Variants in PLCB4 observed in about 807,000 individuals in gnomAD.
The protein encoded by PLCB4 is 1-phosphatidylinositol 4,5-bisphosphate phosphodiesterase beta-4.
In PLCB4, 77 loss-of-function variants were observed where a neutral mutation model predicts 178.8. The observed-to-expected ratio is 0.43, with a 90% CI of 0.36 to 0.52. The LOEUF (loss-of-function observed/expected upper bound fraction) is 0.52, where lower values mean the gene tolerates loss of function less well. Ranked by LOEUF, PLCB4 falls within the 20% of genes least tolerant of loss-of-function variation. The pLI is 0.00. For missense variants in PLCB4, 1,024 were observed against 1,453.4 expected, an observed-to-expected ratio of 0.70 and a Z score of 4.80; for synonymous variants, 496 against 490.8, an observed-to-expected ratio of 1.01 and a Z score of -0.14.
intron 1 of PLCB4, among the ~76,000 whole-genome samples, chr20:9,078,875 A>C (rs2090008059): frequency 6.6e-6 from 1 of 152,214 alleles, no homozygotes; most frequent in Admixed American, 6.5e-5. Context: ...AAATGACAGC[A>C]AAGTGAAATA....
At chr20:9,383,252 G>T (rs910493969) in intron 13 of PLCB4, among the ~76,000 whole-genome samples, 1 of 151,960 alleles carries the variant, frequency 6.6e-6, no homozygotes, top group African/African-American at 2.4e-5. Context: ...ATTGAGGTGG[G>T]GTATACAGGA....
chr20:9,420,180 A>G (rs1339610759), intron 26 of PLCB4, among the ~76,000 whole-genome samples: 1 of 152,184 alleles, frequency 6.6e-6, no homozygotes, highest in Admixed American at 6.5e-5. Flanking sequence ...GACAGACAGT[A>G]AATCAGTGAT....
intron 31 of PLCB4, 44 bp from the exon 32 acceptor site, chr20:9,444,134 G>C (rs1053121110): frequency 6.6e-7 from 1 of 1,509,846 alleles, no homozygotes; most frequent in African/African-American, 1.4e-5. Context: ...ATTACAAAAA[G>C]AAAAAACAAA....
At chr20:9,137,607 A>G (rs2092408807) in intron 2 of PLCB4, among the ~76,000 whole-genome samples, 1 of 152,156 alleles carries the variant, frequency 6.6e-6, no homozygotes. Flanking sequence ...TCAAAGAAAT[A>G]GAAGGGTGAA....
intron 3 of PLCB4, among the ~76,000 whole-genome samples, chr20:9,261,583 T>G (rs1262856481): frequency 1.3e-5 from 2 of 152,046 alleles, no homozygotes; most frequent in African/African-American, 4.8e-5. Flanking sequence ...ATTCTAAGAG[T>G]TTAAATTGGG....
chr20:9,157,987 GCCCTTTA>G (rs1232408880), intron 2 of PLCB4, among the ~76,000 whole-genome samples: 1 of 152,084 alleles, frequency 6.6e-6, no homozygotes, highest in African/African-American at 2.4e-5. Context: ...TAGCCTTTCG[GCCCTTTA>G]CCTGTTCCAC....
chr20:9,418,910 T>C (rs1199047141), intron 25 of PLCB4, among the ~76,000 whole-genome samples: 1 of 152,164 alleles, frequency 6.6e-6, no homozygotes, highest in African/African-American at 2.4e-5. Context: ...TCCTAAGTGG[T>C]TTATATTTTG....
chr20:9,347,418 A>C (rs2148133431), intron 7 of PLCB4, among the ~76,000 whole-genome samples: 1 of 152,352 alleles, frequency 6.6e-6, no homozygotes, highest in South Asian at 2.1e-4. Context: ...CCATAGCTAT[A>C]GACATCAGGC....
At chr20:9,183,863 A>G (rs778300987) in intron 2 of PLCB4, among the ~76,000 whole-genome samples, 11 of 152,198 alleles carry the variant, frequency 7.2e-5, no homozygotes, top group Non-Finnish European at 1.6e-4. Context: ...GTTACTTCAT[A>G]TAGCTCATTG....
chr20:9,090,298 A>G (rs1169056103), intron 1 of PLCB4, among the ~76,000 whole-genome samples: 2 of 151,770 alleles, frequency 1.3e-5, no homozygotes, highest in Non-Finnish European at 2.9e-5. Context: ...TGAAGAAAAA[A>G]GGATTTGTTT....
intron 3 of PLCB4, among the ~76,000 whole-genome samples, chr20:9,299,477 G>A (rs1346008158): frequency 6.6e-6 from 1 of 151,946 alleles, no homozygotes; most frequent in Non-Finnish European, 1.5e-5. Flanking sequence ...AGCAATATGT[G>A]TATAATATAT....
intron 3 of PLCB4, among the ~76,000 whole-genome samples, chr20:9,301,091 TCTG>T (rs1468519900): frequency 6.6e-6 from 1 of 151,250 alleles, no homozygotes. Flanking sequence ...CTCCTCCTCT[TCTG>T]CTTGTGTCAA....
intron 1 of PLCB4, among the ~76,000 whole-genome samples, chr20:9,085,418 G>C (rs1199021046): frequency 6.6e-6 from 1 of 152,134 alleles, no homozygotes. Flanking sequence ...GCACGTAGTA[G>C]GCTTTTAAAT....
chr20:9,215,065 T>C (rs2093714697), intron 2 of PLCB4, among the ~76,000 whole-genome samples: 1 of 152,146 alleles, frequency 6.6e-6, no homozygotes, highest in Admixed American at 6.5e-5. Context: ...TTTTGGGAAC[T>C]CGGCCTGTTT....
chr20:9,251,306 A>C (rs2094177883), intron 3 of PLCB4, among the ~76,000 whole-genome samples: 1 of 152,218 alleles, frequency 6.6e-6, no homozygotes. Flanking sequence ...CTGGGAGCTT[A>C]TTAGAAATTT....
chr20:9,313,819 C>G (rs1352679368), intron 4 of PLCB4, among the ~76,000 whole-genome samples: 2 of 152,334 alleles, frequency 1.3e-5, no homozygotes, highest in East Asian at 3.9e-4. Context: ...AAACTCTAGG[C>G]TTTCAGCATG....
intron 2 of PLCB4, among the ~76,000 whole-genome samples, chr20:9,136,818 G>T (rs544776542): frequency 6.6e-6 from 1 of 152,232 alleles, no homozygotes; most frequent in East Asian, 1.9e-4. Flanking sequence ...TACCATCAGT[G>T]TTGGATATTC....
intron 14 of PLCB4, 83 bp from the exon 15 acceptor site, chr20:9,387,380 C>CCTGA: frequency 1.4e-6 from 1 of 692,486 alleles, no homozygotes. Flanking sequence ...AAGAAAACAA[C>CCTGA]TTATTTTGAT....
chr20:9,419,829 A>G lies in PLCB4; in HGVS notation c.2074A>G (p.Met692Val). ...CAGGTACCTTCTCAAACCAGATTTC[A>G]TGAGGCGGCCTGATCGAACATTTGA... ...SCGYLLKPDF[M>V]RRPDRTFDPF... The change falls in exon 26 of 40, where the codon ATG becomes GTG. Residue 692 changes from methionine (M) to valine (V), a missense_variant. Physicochemically the swap from Met to Val is conservative, Grantham distance 21. Around this residue, in one of 7 missense-constraint regions of PLCB4, gnomAD observed 227 missense variants for 374.3 expected, o/e 0.61. Coordinates refer to ENST00000378473, the MANE Select transcript of PLCB4 (RefSeq NM_001377142.1). The G allele has an allele frequency of 6.2e-7, 1 of 1,613,412 alleles. No individual in the cohort carries two copies. The highest frequency in any genetic ancestry group is 8.5e-7 in the Non-Finnish European group (1 of 1,179,322).
Sources: gnomAD v4.1 joint callset for allele counts (sites outside exome capture counted in the v4.1 genomes callset) on GRCh38, gnomAD v4.1.1 for gene constraint, gnomAD v4.1.1 regional missense constraint, MANE v1.5 for transcripts, NCBI Gene and HGNC (gene_info 2026-07-23, HGNC 2026-07-21) for gene names.